Variants in PPIL6 observed in about 807,000 individuals in gnomAD.
PPIL6 encodes probable inactive peptidyl-prolyl cis-trans isomerase-like 6.
PPIL6 carries 39 observed loss-of-function variants against 36.8 expected under a neutral mutation model. The ratio of observed to expected loss-of-function variants is 1.06; its 90% CI spans 0.82 to 1.38. PPIL6 has a LOEUF of 1.38. Ranked by LOEUF, PPIL6 falls within the 40% of genes most tolerant of loss-of-function variation. The pLI, the probability that PPIL6 is intolerant of heterozygous loss-of-function variation, is 0.00. For synonymous variants in PPIL6, 123 were observed against 134.1 expected (o/e 0.92, Z 0.57); for missense variants, 368 against 379.1 (o/e 0.97, Z 0.24).
intron 6 of PPIL6, among the ~76,000 whole-genome samples, chr6:109,407,986 C>A (rs901219252): frequency 6.6e-6 from 1 of 152,150 alleles, no homozygotes; most frequent in Non-Finnish European, 1.5e-5. Flanking sequence ...AATAAATTCA[C>A]AAATAATAAT....
chr6:109,392,654 C>T lies in PPIL6; in HGVS notation c.*172G>A, dbSNP rs1237112365. 2 of 570,332 alleles carry T rather than the reference C, an allele frequency of 3.5e-6. No individual in the cohort carries two copies. The highest frequency in any genetic ancestry group is 3.1e-6 in the Non-Finnish European group (1 of 324,572). 35.3% of individuals were successfully genotyped at this position (570,332 alleles called of 1,614,324 possible). ...ATTGAGTACCACCCTTTCACAGTCT[C>T]TATGACAGAGACAGGAAAGGAAGAT... is the stretch of plus-strand genomic sequence containing the variant. On this transcript the variant is annotated 3_prime_UTR_variant, in exon 8 of 8. Coordinates refer to ENST00000521072, the MANE Select transcript of PPIL6 (RefSeq NM_173672.5).
intron 3 of PPIL6, among the ~76,000 whole-genome samples, chr6:109,429,434 G>T (rs1398676060): frequency 1.3e-5 from 2 of 152,004 alleles, no homozygotes; most frequent in African/African-American, 4.8e-5. Context: ...CTTTCTTTAG[G>T]ATCTATTGGA....
In PPIL6 at chr6:109,390,443, A is replaced by T. The variant is rs1280353802; in HGVS notation, c.*2383T>A. On this transcript the variant is annotated 3_prime_UTR_variant, in exon 8 of 8. Coordinates refer to ENST00000521072, the MANE Select transcript of PPIL6 (RefSeq NM_173672.5). Reference sequence around the variant, plus strand: ...CCAGGATTCTGGCCCTAGAACACACATTCTTAACACTATGTTGCTCTGGGT... The same window carrying T: ...CCAGGATTCTGGCCCTAGAACACACTTTCTTAACACTATGTTGCTCTGGGT... The T allele has an allele frequency of 6.6e-6, 1 of 152,200 alleles. No homozygotes were observed. Among genetic ancestry groups the T allele is most frequent in the Non-Finnish European group, 1.5e-5 (1 of 68,052 alleles). 9.4% of individuals were successfully genotyped at this position (152,200 alleles called of 1,614,324 possible).
At chr6:109,412,606 A>C (rs1773062923) in intron 6 of PPIL6, among the ~76,000 whole-genome samples, 1 of 152,222 alleles carries the variant, frequency 6.6e-6, no homozygotes, top group African/African-American at 2.4e-5. Flanking sequence ...TAGTGAACTC[A>C]CTTTCAACAA....
chr6:109,430,245 C>T (rs1582590523), intron 3 of PPIL6, among the ~76,000 whole-genome samples: 1 of 152,220 alleles, frequency 6.6e-6, no homozygotes, highest in Non-Finnish European at 1.5e-5. Context: ...ATTTTCTGCA[C>T]AATGCAGTTG....
At chr6:109,439,547 G>A (rs1433085660) in intron 1 of PPIL6, among the ~76,000 whole-genome samples, 1 of 152,104 alleles carries the variant, frequency 6.6e-6, no homozygotes, top group African/African-American at 2.4e-5. Context: ...AGTAGAAACG[G>A]GGTTTCACCA....
chr6:109,436,265 C>A, intron 1 of PPIL6, 66 bp from the exon 2 acceptor site: 1 of 974,480 alleles, frequency 1.0e-6, no homozygotes, highest in Non-Finnish European at 1.6e-6. Flanking sequence ...TCATGTTCCC[C>A]AATTTTTACG....
chr6:109,405,819 A>G (rs1338683107), intron 6 of PPIL6, among the ~76,000 whole-genome samples: 3 of 152,146 alleles, frequency 2.0e-5, no homozygotes, highest in Non-Finnish European at 2.9e-5. Flanking sequence ...AAATTGCTCA[A>G]AAGCTGCAAC....
rs1002988711 is a variant in PPIL6, at chr6:109,413,185, C to G, written c.688+6002G>C. Among the ~76,000 whole-genome samples the G allele has an allele frequency of 6.6e-6, 1 of 151,748 alleles. No homozygotes were observed. The highest frequency in any genetic ancestry group is 1.5e-5 in the Non-Finnish European group (1 of 67,908). The stretch of plus-strand genomic sequence containing the variant: ...AACAAACAAACAAACAAACAAAAAC[C>G]CACAGAAAATATTTGCAAACTACCC... On this transcript the variant is annotated intron_variant, in intron 6 of 7. Coordinates refer to ENST00000521072, the MANE Select transcript of PPIL6 (RefSeq NM_173672.5). The surrounding 1 kb of genome is among the most constrained non-coding windows in gnomAD (Gnocchi z 4.6).
chr6:109,422,103 CCT>C (rs1413167154), intron 5 of PPIL6, among the ~76,000 whole-genome samples: 1 of 152,118 alleles, frequency 6.6e-6, no homozygotes, highest in African/African-American at 2.4e-5. Context: ...GTCTCGAACT[CCT>C]GACCTCGTGA....
rs746424460 is a variant in PPIL6, at chr6:109,431,243, C to T, written c.334G>A (p.Val112Met). 2 of 1,612,392 alleles carry T rather than the reference C, an allele frequency of 1.2e-6. No homozygotes were observed. The highest frequency in any genetic ancestry group is 1.7e-6 in the Non-Finnish European group (2 of 1,178,496). The change falls in exon 3 of 8, where the codon GTG becomes ATG. Residue 112 changes from valine to methionine, a missense_variant. Val to Met is a conservative substitution (Grantham distance 21). Coordinates refer to ENST00000521072, the MANE Select transcript of PPIL6 (RefSeq NM_173672.5). ...GGTTTAATGTCAACTATATCCCACA[C>T]CTCGTGGGCCCATTTCTGCAGATCC... ...ALDLQKWAHE[V>M]WDIVDIKPSA...
intron 6 of PPIL6, among the ~76,000 whole-genome samples, chr6:109,407,817 C>CA (rs1036443258): frequency 2.0e-5 from 3 of 152,032 alleles, no homozygotes; most frequent in African/African-American, 7.2e-5. Context: ...CCAAGCATAT[C>CA]ATCATACAGC....
At chr6:109,394,295 C>T (rs748227371) in intron 7 of PPIL6, among the ~76,000 whole-genome samples, 7 of 151,226 alleles carry the variant, frequency 4.6e-5, no homozygotes, top group Non-Finnish European at 1.0e-4. Context: ...ATTGCTTCAA[C>T]CCAGGAGGTG....
intron 5 of PPIL6, among the ~76,000 whole-genome samples, chr6:109,420,722 T>C (rs969001885): frequency 3.9e-5 from 6 of 152,198 alleles, no homozygotes; most frequent in Non-Finnish European, 8.8e-5. Flanking sequence ...TCAATAAATA[T>C]TTATTGAAGG....
At chr6:109,395,607 C>CTTTT (rs765163208) in intron 7 of PPIL6, among the ~76,000 whole-genome samples, 2 of 111,116 alleles carry the variant, frequency 1.8e-5, no homozygotes, top group Admixed American at 9.5e-5. Context: ...ACTCTAACTT[C>CTTTT]TTTTTTTTTT....
Position 109,436,209 on chromosome 6 carries a change from G to A in PPIL6, c.136-10C>T, listed in dbSNP as rs548621455. ...GATTATTCTTCAGATTCTGGATTTCGAAATAGAATAATTATTTTAGAGTTA... is the reference window on the plus strand; with the variant it reads ...GATTATTCTTCAGATTCTGGATTTCAAAATAGAATAATTATTTTAGAGTTA... On this transcript the variant is annotated splice_polypyrimidine_tract_variant and intron_variant, in intron 1 of 7. Coordinates refer to ENST00000521072, the MANE Select transcript of PPIL6 (RefSeq NM_173672.5). 1.4e-4 allele frequency: 201 copies of A among 1,397,390 alleles called. No homozygotes were observed. The highest frequency in any genetic ancestry group is 2.0e-4 in the Non-Finnish European group (196 of 988,080). The allele number at this position is 1,397,390 out of a possible 1,614,324, so 86.6% of individuals were successfully genotyped here. A position where few individuals can be genotyped will look rare whatever the true frequency, so the allele number is the denominator to read the frequency against.
chr6:109,417,285 A>T (rs2115238212), intron 6 of PPIL6, among the ~76,000 whole-genome samples: 1 of 151,712 alleles, frequency 6.6e-6, no homozygotes, highest in East Asian at 2.0e-4. Flanking sequence ...TCCTCCAAGT[A>T]GGTAGTAGTC....
intron 6 of PPIL6, among the ~76,000 whole-genome samples, chr6:109,401,716 CAG>C (rs546108907): frequency 1.6e-3 from 223 of 139,250 alleles, no homozygotes; most frequent in African/African-American, 6.0e-3. Context: ...AGCAAAGACT[CAG>C]AGAGTTTTTC....
chr6:109,419,308 C>A, intron 5 of PPIL6, 65 bp from the exon 6 acceptor site: 1 of 1,132,386 alleles, frequency 8.8e-7, no homozygotes, highest in African/African-American at 1.6e-5. Flanking sequence ...ACAATAATGA[C>A]AGGGAAAAAA....
Sources: gnomAD v4.1 joint callset for allele counts (sites outside exome capture counted in the v4.1 genomes callset) on GRCh38, gnomAD v4.1.1 for gene constraint, Gnocchi (gnomAD v3.1) non-coding constraint, MANE v1.5 for transcripts, NCBI Gene and HGNC (gene_info 2026-07-23, HGNC 2026-07-21) for gene names.